MFHAS1: variants seen among roughly 807,000 people sequenced by gnomAD.
MFHAS1 encodes malignant fibrous histiocytoma-amplified sequence 1.
MFHAS1 carries 50 observed loss-of-function variants against 70.4 expected under a neutral mutation model. The observed-to-expected ratio is 0.71, with a 90% CI of 0.57 to 0.90. The LOEUF is 0.90. MFHAS1 is among the 40% of genes least tolerant of loss of function. The pLI is 0.00. For missense variants in MFHAS1, 1,795 were observed against 1,347.6 expected, an observed-to-expected ratio of 1.33 and a Z score of -5.20; for synonymous variants, 952 against 620.0, an observed-to-expected ratio of 1.54 and a Z score of -7.96.
intron 2 of MFHAS1, chr8:8,790,420 A>G (rs1805682529): frequency 4.1e-6 from 4 of 979,638 alleles, no homozygotes; most frequent in Middle Eastern, 5.2e-4. Context: ...ATTTTCCAAG[A>G]AAGTATGAAG....
rs1204337771 is a variant in MFHAS1 at position 8,892,468 on chromosome 8, G to A, written c.591C>T (p.Pro197=). ...GGGCCACCAGCTGCAGCAGCTGCCG[G>A]GGGAAGGCAGTGAGCTGGTTGTGAT... ...DVDHNQLTAF[P]RQLLQLVALE... The change falls in exon 1 of 3, where the codon CCC becomes CCT. Residue 197 remains proline, a synonymous_variant. Coordinates refer to ENST00000276282, the MANE Select transcript of MFHAS1 (RefSeq NM_004225.3). This position sits in a 1 kb window ranked among gnomAD's most constrained non-coding sequence, Gnocchi z 4.7. 6.2e-7 allele frequency: 1 copy of A among 1,608,578 alleles called. No homozygotes were observed. The highest frequency in any genetic ancestry group is 8.5e-7 in the Non-Finnish European group (1 of 1,177,616).
intron 2 of MFHAS1, among the ~76,000 whole-genome samples, chr8:8,787,866 T>A (rs1261231126): frequency 6.6e-6 from 1 of 152,180 alleles, no homozygotes; most frequent in Non-Finnish European, 1.5e-5. Flanking sequence ...AGACGGAAAA[T>A]CCCACTGTTC....
intron 1 of MFHAS1, among the ~76,000 whole-genome samples, chr8:8,842,284 C>G (rs1807861903): frequency 6.6e-6 from 1 of 152,080 alleles, no homozygotes; most frequent in Non-Finnish European, 1.5e-5. Context: ...CTCCCAGGTT[C>G]AAGCGATTCT....
chr8:8,857,936 A>ACCAC (rs1232213638), intron 1 of MFHAS1, among the ~76,000 whole-genome samples: 1 of 152,256 alleles, frequency 6.6e-6, no homozygotes, highest in East Asian at 1.9e-4. Context: ...GGAACCCAAC[A>ACCAC]CCACCAATTT....
At chr8:8,796,133 AG>A (rs1463116496) in intron 2 of MFHAS1, among the ~76,000 whole-genome samples, 3 of 152,214 alleles carry the variant, frequency 2.0e-5, no homozygotes, top group Non-Finnish European at 4.4e-5. Flanking sequence ...CCAAACCAAC[AG>A]GATGAGTGTT....
At chr8:8,846,824 C>T (rs1183059201) in intron 1 of MFHAS1, among the ~76,000 whole-genome samples, 1 of 152,050 alleles carries the variant, frequency 6.6e-6, no homozygotes, top group Non-Finnish European at 1.5e-5. Flanking sequence ...ATAGCAGCGA[C>T]CCACCCCGCC....
chr8:8,882,653 C>A (rs1171947243), intron 1 of MFHAS1, among the ~76,000 whole-genome samples: 1 of 152,056 alleles, frequency 6.6e-6, no homozygotes, highest in Non-Finnish European at 1.5e-5. Context: ...AGTTTGAGTT[C>A]TTTCAAAATA....
chr8:8,851,325 T>C (rs537628017), intron 1 of MFHAS1, among the ~76,000 whole-genome samples: 53 of 152,332 alleles, frequency 3.5e-4, no homozygotes, highest in African/African-American at 1.3e-3. Flanking sequence ...ACACAGTTTC[T>C]GCCATTTCAA....
At position 8,879,413 on chromosome 8, in the gene MFHAS1, G is replaced by A. The variant is rs554648246; in HGVS notation, c.2998+10648C>T. On this transcript the variant is annotated intron_variant, in intron 1 of 2. Transcript: ENST00000276282. ...TTCTTTTCCTTGGAAAGGCTGATTC[G>A]TTTGGGAAGTTTTTAGAGATCCTCA... Among the ~76,000 whole-genome samples, 27 of 152,138 alleles carry A rather than the reference G, an allele frequency of 1.8e-4. No homozygotes were observed. The South Asian group carries it at 4.6e-3, about 26-fold the overall frequency.
At chr8:8,846,969 C>T (rs1478396081) in intron 1 of MFHAS1, among the ~76,000 whole-genome samples, 1 of 152,152 alleles carries the variant, frequency 6.6e-6, no homozygotes, top group Non-Finnish European at 1.5e-5. Flanking sequence ...TATGCATCTA[C>T]TATATGCCAG....
At chr8:8,793,051 G>GCA (rs1805772081) in intron 2 of MFHAS1, among the ~76,000 whole-genome samples, 1 of 152,186 alleles carries the variant, frequency 6.6e-6, no homozygotes, top group South Asian at 2.1e-4. Flanking sequence ...TCTCCCTGGA[G>GCA]GGTGAGGTGC....
chr8:8,887,850 CA>C (rs1314271953), intron 1 of MFHAS1, among the ~76,000 whole-genome samples: 1 of 57,014 alleles, frequency 1.8e-5, no homozygotes, highest in Non-Finnish European at 3.6e-5. Flanking sequence ...CTGACGTTAG[CA>C]AAAAAAACAA....
At chr8:8,857,809 A>T (rs186121387) in intron 1 of MFHAS1, among the ~76,000 whole-genome samples, 1 of 152,274 alleles carries the variant, frequency 6.6e-6, no homozygotes, top group Non-Finnish European at 1.5e-5. Flanking sequence ...GTAGATATAT[A>T]ACTGTCCTAC....
chr8:8,806,824 G>C lies in MFHAS1; in HGVS notation c.2999-9333C>G, dbSNP rs143723336. Among the ~76,000 whole-genome samples the C allele has an allele frequency of 2.3e-3, 351 of 152,216 alleles. 7 individuals are homozygous for C. The East Asian group carries it at 0.058, about 25-fold the overall frequency. On this transcript the variant is annotated intron_variant, in intron 1 of 2. Coordinates refer to ENST00000276282, the MANE Select transcript of MFHAS1 (RefSeq NM_004225.3). ...AAACATACAAAAATTAGCCAGGCGA[G>C]GTGGTACACATCTGTAATCCCAGCA...
chr8:8,882,811 G>A (rs1248097039), intron 1 of MFHAS1, among the ~76,000 whole-genome samples: 2 of 152,076 alleles, frequency 1.3e-5, no homozygotes, highest in Non-Finnish European at 2.9e-5. Context: ...GCCCCCAGAA[G>A]AAGGTAAACC....
intron 1 of MFHAS1, among the ~76,000 whole-genome samples, chr8:8,852,244 C>A (rs961332954): frequency 3.3e-5 from 5 of 152,088 alleles, no homozygotes; most frequent in Non-Finnish European, 5.9e-5. Flanking sequence ...GAAGCCGAGG[C>A]GGGCAGATCA....
chr8:8,825,061 C>T (rs978998859), intron 1 of MFHAS1, among the ~76,000 whole-genome samples: 1 of 152,242 alleles, frequency 6.6e-6, no homozygotes, highest in Non-Finnish European at 1.5e-5. Flanking sequence ...CCTAGAGATT[C>T]TGCAAAATGC....
rs555082078 is a variant in MFHAS1, at chr8:8,888,443, T to C, written c.2998+1618A>G. On this transcript the variant is annotated intron_variant, in intron 1 of 2. Coordinates refer to ENST00000276282, the MANE Select transcript of MFHAS1 (RefSeq NM_004225.3). ...AGGTGAGAAACGTGCAAGGATGCTA[T>C]TGTTCTGTCTGGTTTGTGCTTAGGA... 2.0e-5 allele frequency among the ~76,000 whole-genome samples: 3 copies of C among 152,196 alleles called. No individual in the cohort carries two copies. The South Asian group carries it at 6.2e-4, about 32-fold the overall frequency.
intron 1 of MFHAS1, among the ~76,000 whole-genome samples, chr8:8,874,898 C>T (rs1809230346): frequency 6.8e-6 from 1 of 147,454 alleles, no homozygotes; most frequent in Non-Finnish European, 1.5e-5. Flanking sequence ...TGATAAAACA[C>T]TGTGATTAAA....
Sources: allele counts gnomAD v4.1 joint callset (sites outside exome capture counted in the v4.1 genomes callset), GRCh38; gene constraint gnomAD v4.1.1; non-coding constraint Gnocchi (gnomAD v3.1); transcripts MANE v1.5; gene names NCBI Gene and HGNC (gene_info 2026-07-23, HGNC 2026-07-21).